Variants in ZSWIM5 observed in about 807,000 individuals in gnomAD.
ZSWIM5 encodes zinc finger SWIM-type containing 5.
Under a neutral mutation model 119.6 loss-of-function variants are expected in ZSWIM5, and 55 were observed. That is an observed-to-expected ratio of 0.46 (90% CI 0.37 to 0.58). The LOEUF is 0.58. Among genes scored for constraint, ZSWIM5 ranks in the 20% least tolerant of loss-of-function variants. ZSWIM5 has a pLI of 0.00. For synonymous variants in ZSWIM5, 537 were observed against 606.9 expected (o/e 0.88, Z 1.69); for missense variants, 1,193 against 1,512.8 (o/e 0.79, Z 3.51).
Position 45,018,862 on chromosome 1 carries a change from G to C in ZSWIM5, c.3150C>G (p.His1050Gln). 1 of 1,614,240 alleles carries C rather than the reference G, an allele frequency of 6.2e-7. No homozygotes were observed. Among genetic ancestry groups the C allele is most frequent in the Non-Finnish European group, 8.5e-7 (1 of 1,180,044 alleles). The change falls in exon 14 of 14, where the codon CAC becomes CAG. Residue 1050 changes from histidine (H) to glutamine (Q), a missense_variant. Physicochemically the swap from His to Gln is conservative, Grantham distance 24. Transcript: ENST00000359600. This position sits in a 1 kb window ranked among gnomAD's most constrained non-coding sequence, Gnocchi z 6.7. ...NDVLWACALS[H>Q]SLGKNELAAL... Reference sequence around the variant, plus strand: ...CTGCCAGCTCATTCTTGCCCAGAGAGTGGCTGAGAGCACAAGCCCAGAGCA... The same window carrying C: ...CTGCCAGCTCATTCTTGCCCAGAGACTGGCTGAGAGCACAAGCCCAGAGCA...
At chr1:45,052,423 GA>G (rs997294527) in intron 4 of ZSWIM5, among the ~76,000 whole-genome samples, 1 of 152,162 alleles carries the variant, frequency 6.6e-6, no homozygotes, top group African/African-American at 2.4e-5. Flanking sequence ...AGCCAAATAG[GA>G]ATGTTTTGAA....
chr1:45,201,566 A>G (rs1646158585), intron 1 of ZSWIM5, among the ~76,000 whole-genome samples: 1 of 152,164 alleles, frequency 6.6e-6, no homozygotes, highest in Admixed American at 6.5e-5. Context: ...GAGAAATAAA[A>G]TTGTCTCCCA....
At chr1:45,084,201 C>T (rs982320898) in intron 2 of ZSWIM5, among the ~76,000 whole-genome samples, 5 of 152,158 alleles carry the variant, frequency 3.3e-5, no homozygotes, top group East Asian at 1.9e-4. Context: ...TGAGCCTCTG[C>T]GCCTGGCCTA....
chr1:45,044,772 T>TAA (rs1230873535), intron 5 of ZSWIM5, among the ~76,000 whole-genome samples: 2 of 2,276 alleles, frequency 8.8e-4, no homozygotes, highest in African/African-American at 1.1e-3. Flanking sequence ...TATATATATA[T>TAA]ATAAATATAT....
chr1:45,162,244 C>T (rs1179193972), intron 1 of ZSWIM5, among the ~76,000 whole-genome samples: 1 of 152,220 alleles, frequency 6.6e-6, no homozygotes, highest in Non-Finnish European at 1.5e-5. Flanking sequence ...AATCCCAGCA[C>T]TATGGGAGGA....
At chr1:45,201,960 A>C (rs573602066) in intron 1 of ZSWIM5, among the ~76,000 whole-genome samples, 6 of 152,206 alleles carry the variant, frequency 3.9e-5, no homozygotes, top group Non-Finnish European at 8.8e-5. Context: ...TCAGTCATTC[A>C]ACAAGCACTT....
At chr1:45,203,447 GTTC>G (rs544292620) in intron 1 of ZSWIM5, among the ~76,000 whole-genome samples, 242 of 151,938 alleles carry the variant, frequency 1.6e-3, no homozygotes, top group Middle Eastern at 3.4e-3. Flanking sequence ...CCAACTTTCT[GTTC>G]TTCCTAAAGC....
intron 1 of ZSWIM5, among the ~76,000 whole-genome samples, chr1:45,181,025 G>A (rs868602517): frequency 2.0e-4 from 31 of 152,236 alleles, no homozygotes; most frequent in East Asian, 9.6e-4. Flanking sequence ...AAAGCAGAGC[G>A]CCTCTCCTCC....
At chr1:45,182,087 A>G (rs1350145165) in intron 1 of ZSWIM5, among the ~76,000 whole-genome samples, 1 of 152,178 alleles carries the variant, frequency 6.6e-6, no homozygotes, top group Admixed American at 6.5e-5. Context: ...AACAATATTA[A>G]CTTTAAATGT....
intron 1 of ZSWIM5, among the ~76,000 whole-genome samples, chr1:45,136,718 A>G (rs1645692695): frequency 6.6e-6 from 1 of 152,168 alleles, no homozygotes. Flanking sequence ...AATTAAGCTA[A>G]AGGAAGATTG....
At chr1:45,021,774 C>T (rs553113923) in intron 11 of ZSWIM5, among the ~76,000 whole-genome samples, 2 of 152,228 alleles carry the variant, frequency 1.3e-5, no homozygotes, top group Non-Finnish European at 2.9e-5. Context: ...AATCCCAGCA[C>T]TTTGGGAGGC....
intron 1 of ZSWIM5, among the ~76,000 whole-genome samples, chr1:45,139,920 A>G (rs1248915452): frequency 6.6e-6 from 1 of 152,114 alleles, no homozygotes; most frequent in Non-Finnish European, 1.5e-5. Context: ...ATAAAAATGA[A>G]GAACACTGGA....
chr1:45,150,567 T>C (rs933447557), intron 1 of ZSWIM5, among the ~76,000 whole-genome samples: 1 of 152,204 alleles, frequency 6.6e-6, no homozygotes, highest in Admixed American at 6.5e-5. Flanking sequence ...TGAAATTTTA[T>C]CTTTCCTCTA....
intron 6 of ZSWIM5, among the ~76,000 whole-genome samples, chr1:45,041,853 A>G (rs753078570): frequency 5.3e-5 from 8 of 152,186 alleles, no homozygotes; most frequent in African/African-American, 1.9e-4. Flanking sequence ...AGTTTTTACT[A>G]AAAATGGGAT....
chr1:45,202,077 T>A (rs1646161908), intron 1 of ZSWIM5, among the ~76,000 whole-genome samples: 2 of 152,076 alleles, frequency 1.3e-5, no homozygotes, highest in Admixed American at 6.6e-5. Flanking sequence ...AAAATTTCTA[T>A]GCTAAAAAGC....
chr1:45,182,313 A>G (rs1646025341), intron 1 of ZSWIM5, among the ~76,000 whole-genome samples: 1 of 151,900 alleles, frequency 6.6e-6, no homozygotes, highest in Admixed American at 6.6e-5. Flanking sequence ...CTGAGGCAGG[A>G]GAATGGCGTG....
At chr1:45,203,293 C>T (rs1312838572) in intron 1 of ZSWIM5, among the ~76,000 whole-genome samples, 2 of 152,026 alleles carry the variant, frequency 1.3e-5, no homozygotes, top group East Asian at 3.8e-4. Flanking sequence ...AATCTACCTA[C>T]TCTTTCCACA....
chr1:45,094,300 TGCCTCAGC>T (rs1645386046), intron 1 of ZSWIM5, among the ~76,000 whole-genome samples: 1 of 151,924 alleles, frequency 6.6e-6, no homozygotes, highest in Admixed American at 6.6e-5. Flanking sequence ...GTGATCCGCC[TGCCTCAGC>T]ATCCCAAAGT....
intron 5 of ZSWIM5, among the ~76,000 whole-genome samples, chr1:45,044,850 G>T (rs67237386): frequency 1.4e-4 from 3 of 21,656 alleles, no homozygotes; most frequent in African/African-American, 4.7e-4. Flanking sequence ...TATATATATA[G>T]ATTAGCCGGG....
Sources: allele counts gnomAD v4.1 joint callset (sites outside exome capture counted in the v4.1 genomes callset), GRCh38; gene constraint gnomAD v4.1.1; non-coding constraint Gnocchi (gnomAD v3.1); transcripts MANE v1.5; gene names NCBI Gene and HGNC (gene_info 2026-07-23, HGNC 2026-07-21).